The following ATAD2B variants were observed in gnomAD, a reference collection of about 807,000 sequenced individuals.
The protein encoded by ATAD2B is ATPase family AAA domain-containing protein 2B.
A neutral mutation model predicts 167.6 loss-of-function variants in ATAD2B; 40 were observed. The observed-to-expected ratio is 0.24, with a 90% CI of 0.19 to 0.31. The LOEUF is 0.31. Among genes scored for constraint, ATAD2B ranks in the 10% least tolerant of loss-of-function variants. The pLI, the probability that ATAD2B is intolerant of heterozygous loss-of-function variation, is 1.00. For synonymous variants in ATAD2B, 579 were observed against 596.5 expected (o/e 0.97, Z 0.43); for missense variants, 1,242 against 1,757.2 (o/e 0.71, Z 5.24).
At chr2:23,889,101 A>G (rs1013893839) in intron 2 of ATAD2B, among the ~76,000 whole-genome samples, 62 of 152,228 alleles carry the variant, frequency 4.1e-4, no homozygotes, top group African/African-American at 1.4e-3. Context: ...TCCAACAATT[A>G]TTAGTTTCGA....
In ATAD2B at chr2:23,885,814, T is replaced by C. The variant is rs562506795; in HGVS notation, c.588A>G (p.Val196=). 27 of 1,583,702 alleles carry C rather than the reference T, an allele frequency of 1.7e-5. No homozygotes were observed. Among genetic ancestry groups the C allele is most frequent in the East Asian group, 1.6e-4 (7 of 44,328 alleles). Residue 196 remains valine, a synonymous_variant, in exon 5 of 28, where the codon GTA becomes GTG. Transcript: ENST00000238789. ...TGTTAATGTTGTCCATTTCCTGTAG[T>C]ACAGCTTCAGCAGTGCTACAATCAC... ...DQLVNSTAEA[V]LQEMDNINIR...
chr2:23,785,043 A>G (rs1680612380), intron 21 of ATAD2B, among the ~76,000 whole-genome samples: 1 of 152,024 alleles, frequency 6.6e-6, no homozygotes, highest in Non-Finnish European at 1.5e-5. Flanking sequence ...GGTACAAATA[A>G]AATTATAGAT....
At chr2:23,920,951 C>T (rs1398953131) in intron 1 of ATAD2B, among the ~76,000 whole-genome samples, 2 of 151,980 alleles carry the variant, frequency 1.3e-5, no homozygotes, top group Non-Finnish European at 2.9e-5. Flanking sequence ...ATGCCTGTAA[C>T]CTCAGCACTT....
intron 15 of ATAD2B, among the ~76,000 whole-genome samples, chr2:23,828,439 T>C (rs1688564552): frequency 6.6e-6 from 1 of 152,186 alleles, no homozygotes; most frequent in Admixed American, 6.5e-5. Flanking sequence ...ACCACAGGAA[T>C]GAAAATAAGC....
the ATAD2B span, among the ~76,000 whole-genome samples, chr2:23,685,924 C>T: frequency 6.6e-6 from 1 of 152,310 alleles, no homozygotes; most frequent in South Asian, 2.1e-4. Context: ...AGAAAGGGGG[C>T]AGGTCAGTGC....
At chr2:23,689,434 C>T in the ATAD2B span, 1 of 152,512 alleles carries the variant, frequency 6.6e-6, no homozygotes, top group Non-Finnish European at 1.5e-5. Context: ...TCGCACCTGT[C>T]ACTCAGCCAT....
intron 1 of ATAD2B, among the ~76,000 whole-genome samples, chr2:23,923,859 G>GA (rs913484937): frequency 6.6e-6 from 1 of 152,144 alleles, no homozygotes; most frequent in Non-Finnish European, 1.5e-5. Context: ...GGAAAAGGGG[G>GA]AAAAATAGGC....
intron 8 of ATAD2B, chr2:23,872,573 G>C: frequency 1.7e-6 from 2 of 1,183,404 alleles, no homozygotes; most frequent in African/African-American, 1.5e-5. Context: ...CTGATCCTCC[G>C]TGAGGTCTGC....
intron 23 of ATAD2B, among the ~76,000 whole-genome samples, chr2:23,765,230 A>C (rs1398959767): frequency 6.6e-6 from 1 of 152,242 alleles, no homozygotes; most frequent in Non-Finnish European, 1.5e-5. Context: ...TCCATTTAGA[A>C]ATCAATTCTT....
chr2:23,733,101 CT>C, the ATAD2B span, among the ~76,000 whole-genome samples: 1 of 152,200 alleles, frequency 6.6e-6, no homozygotes, highest in African/African-American at 2.4e-5. Context: ...CTCACCACCC[CT>C]ACCATCTCCA....
At chr2:23,774,968 A>T (rs1050061791) in intron 22 of ATAD2B, among the ~76,000 whole-genome samples, 1 of 152,178 alleles carries the variant, frequency 6.6e-6, no homozygotes, top group Non-Finnish European at 1.5e-5. Context: ...CACATTTATT[A>T]AGAACATGCT....
At chr2:23,800,670 G>C (rs1292209089) in intron 18 of ATAD2B, among the ~76,000 whole-genome samples, 1 of 151,722 alleles carries the variant, frequency 6.6e-6, no homozygotes, top group African/African-American at 2.4e-5. Flanking sequence ...AAAAAATTTA[G>C]AAATTTGTCC....
At chr2:23,790,017 A>G (rs1225952842) in intron 19 of ATAD2B, among the ~76,000 whole-genome samples, 3 of 152,204 alleles carry the variant, frequency 2.0e-5, no homozygotes, top group African/African-American at 7.2e-5. Context: ...ATCATTTAAA[A>G]GTTCATAAAA....
chr2:23,816,286 T>C (rs371249054), intron 17 of ATAD2B, among the ~76,000 whole-genome samples: 2 of 152,302 alleles, frequency 1.3e-5, no homozygotes, highest in East Asian at 1.9e-4. Flanking sequence ...GACACAGCAA[T>C]TGCAGTTCTT....
Position 23,797,016 on chromosome 2 carries a change from A to T in ATAD2B, c.2640+1122T>A, listed in dbSNP as rs186796427. On this transcript the variant is annotated intron_variant, in intron 19 of 27. Transcript: ENST00000238789. ...CTTCCTATACTATCAGATATTGAAT[A>T]ATCAAAAATGAATTACTCTACATTT... Among the ~76,000 whole-genome samples the T allele has an allele frequency of 2.0e-3, 308 of 152,284 alleles. 1 individual carries two copies. The highest frequency in any genetic ancestry group is 6.9e-3 in the African/African-American group (286 of 41,580).
the ATAD2B span, chr2:23,689,221 C>T: frequency 6.6e-6 from 1 of 152,326 alleles, no homozygotes; most frequent in Admixed American, 6.5e-5. Flanking sequence ...CTCCACCCCA[C>T]AGGTGACCCT....
intron 22 of ATAD2B, among the ~76,000 whole-genome samples, chr2:23,773,347 A>T (rs566345236): frequency 6.6e-6 from 1 of 152,248 alleles, no homozygotes; most frequent in Non-Finnish European, 1.5e-5. Flanking sequence ...CTCTGCAAAA[A>T]ATTAAAAAGT....
the ATAD2B span, chr2:23,696,389 G>A: frequency 1.3e-6 from 2 of 1,551,624 alleles, no homozygotes; most frequent in Non-Finnish European, 1.7e-6. The surrounding 1 kb of genome is among the most constrained non-coding windows in gnomAD (Gnocchi z 5.5). Context: ...GTCCCTGCTT[G>A]ATAACTGGAA....
At chr2:23,879,927 G>A (rs112985192) in intron 7 of ATAD2B, among the ~76,000 whole-genome samples, 18,406 of 151,772 alleles carry the variant, frequency 0.12, 1,183 homozygotes, top group Middle Eastern at 0.22. Flanking sequence ...ATGTGGTTGC[G>A]GGCACCTGTA....
Sources: allele counts gnomAD v4.1 joint callset (sites outside exome capture counted in the v4.1 genomes callset), GRCh38; gene constraint gnomAD v4.1.1; non-coding constraint Gnocchi (gnomAD v3.1); transcripts MANE v1.5; gene names NCBI Gene and HGNC (gene_info 2026-07-23, HGNC 2026-07-21).